The following DENND1A variants were observed in gnomAD, a reference collection of about 807,000 sequenced individuals.
The protein encoded by DENND1A is DENN domain-containing protein 1A.
Under a neutral mutation model 113.7 loss-of-function variants are expected in DENND1A, and 51 were observed. That is an observed-to-expected ratio of 0.45 (90% CI 0.36 to 0.57). DENND1A has a LOEUF of 0.57. Ranked by LOEUF, DENND1A falls within the 20% of genes least tolerant of loss-of-function variation. DENND1A has a pLI of 0.00. For synonymous variants in DENND1A, 565 were observed against 570.8 expected, an observed-to-expected ratio of 0.99 and a Z score of 0.14; for missense variants, 1,258 against 1,395.9, an observed-to-expected ratio of 0.90 and a Z score of 1.57.
chr9:123,798,006 T>C (rs759049541), intron 2 of DENND1A, among the ~76,000 whole-genome samples: 12 of 152,194 alleles, frequency 7.9e-5, no homozygotes, highest in Non-Finnish European at 1.8e-4. Context: ...CAAATGAAAT[T>C]TGTTATTTAA....
chr9:123,771,428 CT>C (rs1829710773), intron 3 of DENND1A, among the ~76,000 whole-genome samples: 1 of 152,182 alleles, frequency 6.6e-6, no homozygotes, highest in Non-Finnish European at 1.5e-5. Flanking sequence ...CAGAAAGCAT[CT>C]CTTAACTTCA....
chr9:123,746,904 T>A (rs570007429), intron 5 of DENND1A, among the ~76,000 whole-genome samples: 1 of 152,276 alleles, frequency 6.6e-6, no homozygotes, highest in East Asian at 1.9e-4. Flanking sequence ...CAAATTAAAT[T>A]TTCTCCAAAG....
intron 13 of DENND1A, among the ~76,000 whole-genome samples, chr9:123,506,579 T>TGAAAA (rs2052960792): frequency 2.7e-4 from 1 of 3,664 alleles, no homozygotes; most frequent in African/African-American, 5.5e-4. Flanking sequence ...AGACTCTGTC[T>TGAAAA]CAAAAAAAAA....
At chr9:123,807,160 C>T (rs1835726405) in intron 2 of DENND1A, among the ~76,000 whole-genome samples, 1 of 152,118 alleles carries the variant, frequency 6.6e-6, no homozygotes, top group African/African-American at 2.4e-5. Context: ...TAAAATTTAA[C>T]TCATCAAAAT....
chr9:123,561,027 G>GCCCCTC, intron 12 of DENND1A, among the ~76,000 whole-genome samples: 1 of 152,124 alleles, frequency 6.6e-6, no homozygotes, highest in Admixed American at 6.5e-5. Flanking sequence ...CCCTGCCCCT[G>GCCCCTC]CCCCCAAAAT....
At position 123,583,166 on chromosome 9, in the gene DENND1A, T is replaced by C. The variant is rs1281108350; in HGVS notation, c.867+3A>G. 6.2e-7 allele frequency: 1 copy of C among 1,605,848 alleles called. No individual in the cohort carries two copies. The highest frequency in any genetic ancestry group is 8.5e-7 in the Non-Finnish European group (1 of 1,174,932). ...GTGAGATCCTCGCAAGCTCATTACC[T>C]ACCACGTCGTTTGGGAGGCTCTGGA... On this transcript the variant is annotated splice_donor_region_variant and intron_variant, in intron 12 of 23. Coordinates refer to ENST00000394215, the MANE Select transcript of DENND1A (RefSeq NM_001352964.2).
At chr9:123,448,507 T>C (rs1192566830) in intron 18 of DENND1A, among the ~76,000 whole-genome samples, 2 of 152,192 alleles carry the variant, frequency 1.3e-5, no homozygotes, top group East Asian at 3.8e-4. Flanking sequence ...CCAACGAGCC[T>C]ACGATCCAGG....
rs2042291145 is a variant in DENND1A at position 123,381,910 on chromosome 9, G to A, written c.2735C>T (p.Pro912Leu). 1.4e-6 allele frequency: 2 copies of A among 1,455,092 alleles called. No individual in the cohort carries two copies. 90.1% of individuals were successfully genotyped at this position (1,455,092 alleles called of 1,614,324 possible). Residue 912 changes from proline (P) to leucine (L), a missense_variant, in exon 24 of 24, where the codon CCA becomes CTA. Around this residue, in one of 2 missense-constraint regions of DENND1A, gnomAD observed 1,159 missense variants for 1,231.7 expected, o/e 0.94. Coordinates refer to ENST00000394215, the MANE Select transcript of DENND1A (RefSeq NM_001352964.2). This position sits in a 1 kb window ranked among gnomAD's most constrained non-coding sequence, Gnocchi z 4.7. ...TGGAGGGGCCCCGAAAGGCCCGGCT[G>A]GTGTGGAGACCAGGGGCAGGGTGGG... ...APPTLPLVST[P>L]AGPFGAPPAS...
chr9:123,864,961 G>A (rs897961730), intron 2 of DENND1A, among the ~76,000 whole-genome samples: 2 of 152,066 alleles, frequency 1.3e-5, no homozygotes, highest in East Asian at 3.9e-4. Flanking sequence ...TGCCCTCTTG[G>A]AGCTGATATT....
At chr9:123,766,555 C>A (rs1330188882) in intron 4 of DENND1A, among the ~76,000 whole-genome samples, 1 of 152,126 alleles carries the variant, frequency 6.6e-6, no homozygotes, top group East Asian at 1.9e-4. Flanking sequence ...TCCTTCCTTT[C>A]CTTCTTCTCT....
At chr9:123,909,461 G>A (rs184228862) in intron 1 of DENND1A, among the ~76,000 whole-genome samples, 2 of 151,488 alleles carry the variant, frequency 1.3e-5, no homozygotes, top group Non-Finnish European at 2.9e-5. Context: ...CTCAAGAGAT[G>A]CAGAAAAGGC....
rs776315709 is a variant in DENND1A, at chr9:123,401,819, T to C, written c.1631+1583A>G. The C allele has an allele frequency of 1.2e-5, 20 of 1,614,078 alleles. No individual in the cohort carries two copies. In the Admixed American group the frequency reaches 3.0e-4, roughly 24 times the overall value. ...AAAGCAACGGCGTAAGTCAATGTGA[T>C]GAAGAGGTCCAGCCTCTCGTCGGGA... On this transcript the variant is annotated intron_variant, in intron 21 of 23. Transcript: ENST00000394215.
intron 13 of DENND1A, among the ~76,000 whole-genome samples, chr9:123,523,116 A>G (rs910243305): frequency 6.6e-6 from 1 of 152,222 alleles, no homozygotes; most frequent in Admixed American, 6.5e-5. Context: ...AAACCAAAAC[A>G]GATTTCAGGA....
chr9:123,473,269 AGGAGGGGTGCAG>A lies in DENND1A; in HGVS notation c.994-15384_994-15373del, dbSNP rs1299720935. 1.3e-5 allele frequency among the ~76,000 whole-genome samples: 2 copies of A among 151,942 alleles called. 1 individual carries two copies. The highest frequency in any genetic ancestry group is 1.3e-4 in the Admixed American group (2 of 15,258). On this transcript the variant is annotated intron_variant, in intron 13 of 23. Transcript: ENST00000394215. Reference sequence around the variant, plus strand: ...AGACAGGCTGACTGAGGATGTAAGGAGGAGGGGTGCAGGGAGGGATGGAAAAGAGAGAATGTA... The same window carrying A: ...AGACAGGCTGACTGAGGATGTAAGGAGGAGGGATGGAAAAGAGAGAATGTA...
chr9:123,381,052 A>G lies in DENND1A; in HGVS notation c.*380T>C. On this transcript the variant is annotated 3_prime_UTR_variant, in exon 24 of 24. Transcript: ENST00000394215. This position sits in a 1 kb window ranked among gnomAD's most constrained non-coding sequence, Gnocchi z 4.7. Reference sequence around the variant, plus strand: ...GGCCTGGCTGTGGAGGAGACAGGAGAGCTGGGCTCGGAGGGGAGGCCTTCG... The same window carrying G: ...GGCCTGGCTGTGGAGGAGACAGGAGGGCTGGGCTCGGAGGGGAGGCCTTCG... 1 of 225,442 alleles carries G rather than the reference A, an allele frequency of 4.4e-6. No individual in the cohort carries two copies. The highest frequency in any genetic ancestry group is 2.3e-5 in the African/African-American group (1 of 42,860). The allele number at this position is 225,442 out of a possible 1,614,324, so 14.0% of individuals were successfully genotyped here.
intron 19 of DENND1A, chr9:123,414,456 A>G: frequency 6.7e-7 from 1 of 1,486,750 alleles, no homozygotes; most frequent in Non-Finnish European, 9.0e-7. Flanking sequence ...GAAGGCCGGC[A>G]TCTCACAGGG....
At chr9:123,568,193 C>A (rs992840325) in intron 12 of DENND1A, among the ~76,000 whole-genome samples, 2 of 152,324 alleles carry the variant, frequency 1.3e-5, no homozygotes, top group South Asian at 4.1e-4. Flanking sequence ...CCACACTTTA[C>A]AGTACATGGA....
chr9:123,707,403 A>G (rs965914612), intron 5 of DENND1A, among the ~76,000 whole-genome samples: 1 of 87,496 alleles, frequency 1.1e-5, no homozygotes, highest in East Asian at 2.3e-4. Context: ...CTCAAAAAGG[A>G]AAAAAAAAAA....
rs56006420 is a variant in DENND1A at position 123,740,899 on chromosome 9, T to TGAGAGAGAGAGAGAGAGAGAGAGAGA, written c.302+16778_302+16803dup. ...AAGAAAGATGCTGAGGAAGGGAAAGTGAGAGAGAGAGAGAGAGAGAGAGAG... is the reference window on the plus strand; with the variant it reads ...AAGAAAGATGCTGAGGAAGGGAAAGTGAGAGAGAGAGAGAGAGAGAGAGAGAGAGAGAGAGAGAGAGAGAGAGAGAG... On this transcript the variant is annotated intron_variant, in intron 5 of 23. Coordinates refer to ENST00000394215, the MANE Select transcript of DENND1A (RefSeq NM_001352964.2). Among the ~76,000 whole-genome samples the TGAGAGAGAGAGAGAGAGAGAGAGAGA allele has an allele frequency of 2.6e-4, 28 of 108,930 alleles. 1 individual carries two copies. Among genetic ancestry groups the TGAGAGAGAGAGAGAGAGAGAGAGAGA allele is most frequent in the South Asian group, 7.5e-4 (2 of 2,668 alleles). The allele number at this position is 108,930 out of a possible 152,430, so 71.5% of individuals were successfully genotyped here. A position where few individuals can be genotyped will look rare whatever the true frequency, so the allele number is the denominator to read the frequency against.
Sources: allele counts gnomAD v4.1 joint callset (sites outside exome capture counted in the v4.1 genomes callset), GRCh38; gene constraint gnomAD v4.1.1; regional missense constraint gnomAD v4.1.1; non-coding constraint Gnocchi (gnomAD v3.1); transcripts MANE v1.5; gene names NCBI Gene and HGNC (gene_info 2026-07-23, HGNC 2026-07-21).